CNTRL: variants seen among roughly 807,000 people sequenced by gnomAD.
The protein encoded by CNTRL is 110 kDa centrosomal protein.
CNTRL carries 233 observed loss-of-function variants against 303.7 expected under a neutral mutation model. The ratio of observed to expected loss-of-function variants is 0.77; its 90% CI spans 0.69 to 0.86. The LOEUF (loss-of-function observed/expected upper bound fraction) is 0.86. CNTRL is among the 40% of genes least tolerant of loss of function. CNTRL has a pLI of 0.00. For missense variants in CNTRL, 2,524 were observed against 2,650.6 expected, an observed-to-expected ratio of 0.95 and a Z score of 1.05; for synonymous variants, 900 against 922.2, an observed-to-expected ratio of 0.98 and a Z score of 0.44.
chr9:121,084,767 A>T (rs990212933), intron 2 of CNTRL, among the ~76,000 whole-genome samples: 6 of 152,166 alleles, frequency 3.9e-5, no homozygotes, highest in African/African-American at 1.2e-4. Flanking sequence ...GATGGTCTCG[A>T]TCTCCTGACC....
chr9:121,169,703 T>C lies in CNTRL; in HGVS notation c.6163T>C (p.Phe2055Leu). The C allele has an allele frequency of 1.9e-6, 3 of 1,614,202 alleles. No homozygotes were observed. The highest frequency in any genetic ancestry group is 2.2e-5 in the South Asian group (2 of 91,086). The stretch of plus-strand genomic sequence containing the variant: ...AGAGGCAGATTCTATGAGGGCAGAC[T>C]TCAGCCTTCTGCGGAACCAGTTCTT... ...QKEADSMRAD[F>L]SLLRNQFLTE... Residue 2055 changes from phenylalanine to leucine, a missense_variant, in exon 39 of 44, where the codon TTC becomes CTC. Physicochemically the swap from Phe to Leu is conservative, Grantham distance 22 (BLOSUM62 0). Transcript: ENST00000373855.
chr9:121,153,191 A>G (rs533150941), intron 26 of CNTRL, among the ~76,000 whole-genome samples: 1 of 152,138 alleles, frequency 6.6e-6, no homozygotes, highest in Admixed American at 6.5e-5. Flanking sequence ...TAGTTTCCAC[A>G]CTGGCCTTCC....
At chr9:121,141,938 G>A (rs1416990474) in intron 18 of CNTRL, among the ~76,000 whole-genome samples, 153 bp from the exon 19 acceptor site, 1 of 152,202 alleles carries the variant, frequency 6.6e-6, no homozygotes, top group Non-Finnish European at 1.5e-5. Flanking sequence ...GACTCCTAGA[G>A]ATCGTTCAAG....
intron 12 of CNTRL, among the ~76,000 whole-genome samples, chr9:121,119,889 G>T (rs576595963): frequency 6.6e-6 from 1 of 152,024 alleles, no homozygotes; most frequent in Non-Finnish European, 1.5e-5. Context: ...TCCACTGAAC[G>T]TATTTGTTTT....
chr9:121,106,071 G>A (rs10818507), intron 7 of CNTRL, among the ~76,000 whole-genome samples: 90,567 of 151,926 alleles, frequency 0.6, 29,202 homozygotes, highest in South Asian at 0.89. Context: ...GGGTGTAGCT[G>A]TTCACACCTG....
In CNTRL at chr9:121,177,526, A is replaced by C. The variant is rs2053575095; in HGVS notation, c.*340A>C. The C allele has an allele frequency of 3.7e-6, 1 of 270,560 alleles. No individual in the cohort carries two copies. 16.8% of individuals were successfully genotyped at this position (270,560 alleles called of 1,614,324 possible). On this transcript the variant is annotated 3_prime_UTR_variant, in exon 44 of 44. Coordinates refer to ENST00000373855, the MANE Select transcript of CNTRL (RefSeq NM_007018.6). ...CTTATTAACAAAAAGAATGTACTTA[A>C]GGCCCTCTTTATTTATAGTGTCGAG...
At chr9:121,153,438 C>A (rs542334560) in intron 26 of CNTRL, among the ~76,000 whole-genome samples, 71 of 152,286 alleles carry the variant, frequency 4.7e-4, no homozygotes, top group African/African-American at 1.7e-3. Context: ...TCCCTGCTGA[C>A]CCCCTTACCT....
Position 121,098,557 on chromosome 9 carries a change from G to T in CNTRL, c.793G>T (p.Glu265Ter). 6.3e-7 allele frequency: 1 copy of T among 1,597,164 alleles called. No individual in the cohort carries two copies. Among genetic ancestry groups the T allele is most frequent in the South Asian group, 1.1e-5 (1 of 87,264 alleles). ...VTTQDRQEAF[E>*]RFSLEEVERL... is the part of the protein sequence containing the mutation. ...CACTCAGGATAGACAGGAGGCTTTT[G>T]AGAGATTCAGTTTAGGTAAGATTAA... The change falls in exon 7 of 44, where the codon GAG (glutamate) becomes TAG (stop). Residue 265 changes from glutamate to a stop codon, truncating the protein, a stop_gained. Transcript: ENST00000373855. LOFTEE classifies it high-confidence loss of function.
At chr9:121,166,803 C>T (rs1201705021) in intron 36 of CNTRL, among the ~76,000 whole-genome samples, 1 of 152,078 alleles carries the variant, frequency 6.6e-6, no homozygotes, top group Non-Finnish European at 1.5e-5. Context: ...GGGCAGATCA[C>T]CTGAAGTCGG....
chr9:121,128,306 G>A (rs919235943), intron 14 of CNTRL, among the ~76,000 whole-genome samples: 2 of 152,184 alleles, frequency 1.3e-5, no homozygotes, highest in African/African-American at 4.8e-5. Flanking sequence ...TCCAGCATCT[G>A]TTGTTTCCTG....
At chr9:121,138,092 C>T (rs73660406) in intron 15 of CNTRL, among the ~76,000 whole-genome samples, 361 of 152,264 alleles carry the variant, frequency 2.4e-3, no homozygotes, top group African/African-American at 8.4e-3. Context: ...GATTCCTTGG[C>T]CCCACCCACT....
chr9:121,131,928 A>T (rs1329462564), intron 14 of CNTRL, among the ~76,000 whole-genome samples: 1 of 152,160 alleles, frequency 6.6e-6, no homozygotes, highest in South Asian at 2.1e-4. Context: ...CTGGGTTGAA[A>T]ATTATTTTCT....
chr9:121,130,386 C>A (rs1431857097), intron 14 of CNTRL, among the ~76,000 whole-genome samples: 1 of 152,090 alleles, frequency 6.6e-6, no homozygotes, highest in Admixed American at 6.5e-5. Context: ...GGAATTTATC[C>A]ATTTCTTCTA....
chr9:121,134,819 G>A, intron 14 of CNTRL, among the ~76,000 whole-genome samples: 1 of 152,178 alleles, frequency 6.6e-6, no homozygotes, highest in Non-Finnish European at 1.5e-5. Context: ...TACTGGAGAG[G>A]CTGATCACCT....
At chr9:121,109,787 A>G (rs1359087) in intron 8 of CNTRL, among the ~76,000 whole-genome samples, 2,894 of 152,238 alleles carry the variant, frequency 0.019, 94 homozygotes, top group African/African-American at 0.066. Context: ...GAATTTGTAC[A>G]TATGGTAGAA....
intron 4 of CNTRL, among the ~76,000 whole-genome samples, chr9:121,091,884 CTT>C (rs148922615): frequency 0.016 from 1,195 of 75,014 alleles, 9 homozygotes; most frequent in African/African-American, 0.053. Flanking sequence ...GAGGTCTTCT[CTT>C]TTTTTTTTTT....
At chr9:121,151,741 T>C (rs1403199937) in intron 25 of CNTRL, among the ~76,000 whole-genome samples, 1 of 152,170 alleles carries the variant, frequency 6.6e-6, no homozygotes, top group Non-Finnish European at 1.5e-5. Flanking sequence ...AAATGGAATC[T>C]AAGCTCCTCC....
rs1051724486 is a variant in CNTRL, at chr9:121,158,607, C to T, written c.4765-248C>T. The T allele has an allele frequency of 1.1e-4, 45 of 408,370 alleles. 1 individual carries two copies. Among genetic ancestry groups the T allele is most frequent in the African/African-American group, 8.1e-4 (40 of 49,262 alleles). The allele number at this position is 408,370 out of a possible 1,614,324, so 25.3% of individuals were successfully genotyped here. ...AATAAAAGTTCTTGGAAAACTGTAACCTGAGGGATGATCATGATTATCATA... is the reference window on the plus strand; with the variant it reads ...AATAAAAGTTCTTGGAAAACTGTAATCTGAGGGATGATCATGATTATCATA... On this transcript the variant is annotated intron_variant, in intron 30 of 43. Transcript: ENST00000373855.
At chr9:121,176,771 G>C (rs187640138) in intron 43 of CNTRL, among the ~76,000 whole-genome samples, 41 of 152,292 alleles carry the variant, frequency 2.7e-4, no homozygotes, top group Middle Eastern at 3.4e-3. Context: ...GCTTCTGAGC[G>C]TAACATTTTA....
Sources: allele counts gnomAD v4.1 joint callset (sites outside exome capture counted in the v4.1 genomes callset), GRCh38; gene constraint gnomAD v4.1.1; transcripts MANE v1.5; gene names NCBI Gene and HGNC (gene_info 2026-07-23, HGNC 2026-07-21).